MFAP3L: variants seen among roughly 807,000 people sequenced by gnomAD.
The protein encoded by MFAP3L is microfibrillar-associated protein 3-like.
Under a neutral mutation model 20.0 loss-of-function variants are expected in MFAP3L, and 5 were observed. The observed-to-expected ratio is 0.25, with a 90% CI of 0.13 to 0.53. The LOEUF (loss-of-function observed/expected upper bound fraction) is 0.53, where lower values mean the gene tolerates loss of function less well. Ranked by LOEUF, MFAP3L falls within the 20% of genes least tolerant of loss-of-function variation. The pLI, the probability that MFAP3L is intolerant of heterozygous loss-of-function variation, is 0.96. For missense variants in MFAP3L, 409 were observed against 527.5 expected (o/e 0.78, Z 2.20); for synonymous variants, 219 against 213.0 (o/e 1.03, Z -0.25).
rs908961409 is a variant in MFAP3L, at chr4:169,991,648, T to A, written c.960A>T (p.Ser320=). The part of the protein sequence containing the change: ...EQPQQIAIKV[S]VHPQSKKEHA... The stretch of plus-strand genomic sequence containing the variant: ...GCTCTTTTTTGGACTGCGGGTGAAC[T>A]GACACCTTGATGGCAATTTGCTGAG... The change falls in exon 3 of 3, where the codon TCA becomes TCT. Residue 320 remains serine (S), a synonymous_variant. Coordinates refer to ENST00000361618, the MANE Select transcript of MFAP3L (RefSeq NM_021647.8). This position sits in a 1 kb window ranked among gnomAD's most constrained non-coding sequence, Gnocchi z 4.9. The A allele has an allele frequency of 6.2e-7, 1 of 1,614,080 alleles. No individual in the cohort carries two copies. Among genetic ancestry groups the A allele is most frequent in the Admixed American group, 1.7e-5 (1 of 60,010 alleles).
At chr4:170,011,729 G>A (rs184867405) in intron 1 of MFAP3L, among the ~76,000 whole-genome samples, 21 of 152,172 alleles carry the variant, frequency 1.4e-4, no homozygotes, top group Admixed American at 6.5e-4. Flanking sequence ...AACATATATC[G>A]ACAGTTACAG....
chr4:170,003,068 T>C (rs1025075571), intron 2 of MFAP3L, among the ~76,000 whole-genome samples: 1 of 152,330 alleles, frequency 6.6e-6, no homozygotes, highest in East Asian at 1.9e-4. Flanking sequence ...TGTGTATTGC[T>C]TGGTTGTTAG....
intron 1 of MFAP3L, among the ~76,000 whole-genome samples, chr4:170,012,879 T>C (rs570780676): frequency 6.6e-6 from 1 of 152,288 alleles, no homozygotes; most frequent in East Asian, 1.9e-4. Context: ...TTTAAGCCCA[T>C]GGAACAACTG....
chr4:170,017,700 T>G (rs1259349444), intron 1 of MFAP3L, among the ~76,000 whole-genome samples: 1 of 152,242 alleles, frequency 6.6e-6, no homozygotes, highest in Non-Finnish European at 1.5e-5. Flanking sequence ...TTAATAATCT[T>G]CCTGACTTTA....
At chr4:170,026,132 CG>C (rs1269122612) in intron 1 of MFAP3L, 101 bp downstream of exon 1, 10 of 682,826 alleles carry the variant, frequency 1.5e-5, no homozygotes, top group African/African-American at 7.8e-5. Flanking sequence ...CCCAAACACC[CG>C]AAAGTTCGGC....
At chr4:169,998,960 CAT>C (rs1415208070) in intron 2 of MFAP3L, among the ~76,000 whole-genome samples, 1 of 152,202 alleles carries the variant, frequency 6.6e-6, no homozygotes, top group Non-Finnish European at 1.5e-5. Context: ...AAAATGCGTG[CAT>C]ATGTGTTTGT....
At chr4:170,027,143 CTA>C (rs1307614399), upstream of MFAP3L, 3 of 150,470 alleles carry the variant, frequency 2.0e-5, no homozygotes, top group Non-Finnish European at 4.4e-5. Context: ...GTAGAGTACT[CTA>C]AAATTATTAA....
At chr4:169,995,415 A>C (rs1003485070) in intron 2 of MFAP3L, among the ~76,000 whole-genome samples, 1 of 152,144 alleles carries the variant, frequency 6.6e-6, no homozygotes, top group African/African-American at 2.4e-5. Context: ...CCCTTCCATT[A>C]GTGAAAAATA....
At position 170,016,456 on chromosome 4, in the gene MFAP3L, C is replaced by G. The variant is rs548953667; in HGVS notation, c.-134+9778G>C. On this transcript the variant is annotated intron_variant, in intron 1 of 2. Transcript: ENST00000361618. ...CCTTTGGAACCCTCAGGCCTTCAAC[C>G]AGCGAGGCCCTTCCTGGTCACCTAT... 1.1e-3 allele frequency among the ~76,000 whole-genome samples: 171 copies of G among 152,334 alleles called. 1 individual carries two copies. The highest frequency in any genetic ancestry group is 3.9e-3 in the African/African-American group (163 of 41,576).
intron 1 of MFAP3L, among the ~76,000 whole-genome samples, chr4:170,009,158 G>A (rs1739221578): frequency 6.6e-6 from 1 of 152,066 alleles, no homozygotes; most frequent in Non-Finnish European, 1.5e-5. Flanking sequence ...GCTGACGCAG[G>A]CGGATCACGA....
intron 1 of MFAP3L, among the ~76,000 whole-genome samples, chr4:170,024,570 CA>C (rs1740236654): frequency 6.6e-6 from 1 of 152,140 alleles, no homozygotes; most frequent in African/African-American, 2.4e-5. Flanking sequence ...TTGGAGTTTT[CA>C]AACTTATTTT....
At chr4:169,999,858 GT>G (rs1251768356) in intron 2 of MFAP3L, among the ~76,000 whole-genome samples, 3 of 152,164 alleles carry the variant, frequency 2.0e-5, no homozygotes, top group African/African-American at 4.8e-5. Context: ...TTACAGCAGG[GT>G]TTCTCAACTC....
At chr4:170,000,820 T>G (rs1382327691) in intron 2 of MFAP3L, among the ~76,000 whole-genome samples, 1 of 152,118 alleles carries the variant, frequency 6.6e-6, no homozygotes, top group Non-Finnish European at 1.5e-5. Flanking sequence ...ACTCCCAGGC[T>G]CATGCAATCG....
intron 2 of MFAP3L, among the ~76,000 whole-genome samples, chr4:169,993,370 G>A (rs770213974): frequency 6.6e-6 from 1 of 152,132 alleles, no homozygotes; most frequent in Non-Finnish European, 1.5e-5. Context: ...CTAGTTCCCC[G>A]AGCCGACTAG....
intron 2 of MFAP3L, chr4:170,003,765 C>T (rs868179620): frequency 8.1e-6 from 8 of 985,376 alleles, no homozygotes; most frequent in Middle Eastern, 1.0e-3. Context: ...ATAGCTCAGC[C>T]CTGCAGAAAG....
chr4:170,010,825 CT>C (rs1219314650), intron 1 of MFAP3L, among the ~76,000 whole-genome samples: 2 of 152,104 alleles, frequency 1.3e-5, no homozygotes, highest in African/African-American at 4.8e-5. Flanking sequence ...GTGGGTGCCC[CT>C]AACCCATGTT....
At chr4:169,999,266 G>A (rs535394155) in intron 2 of MFAP3L, among the ~76,000 whole-genome samples, 3 of 151,950 alleles carry the variant, frequency 2.0e-5, no homozygotes, top group South Asian at 2.1e-4. Flanking sequence ...TAGAGCGAAG[G>A]TGGCCTGGGA....
chr4:170,016,046 A>T (rs1232085684), intron 1 of MFAP3L, among the ~76,000 whole-genome samples: 6 of 151,958 alleles, frequency 3.9e-5, no homozygotes, highest in East Asian at 1.9e-4. Context: ...TTGTCCCATT[A>T]AAAAAAAGAG....
At chr4:169,995,621 T>TA (rs1000086269) in intron 2 of MFAP3L, among the ~76,000 whole-genome samples, 6 of 152,176 alleles carry the variant, frequency 3.9e-5, no homozygotes, top group Admixed American at 3.9e-4. Flanking sequence ...GGTCTATAAA[T>TA]ACCTGGCCCT....
Sources: gnomAD v4.1 joint callset for allele counts (sites outside exome capture counted in the v4.1 genomes callset) on GRCh38, gnomAD v4.1.1 for gene constraint, Gnocchi (gnomAD v3.1) non-coding constraint, MANE v1.5 for transcripts, NCBI Gene and HGNC (gene_info 2026-07-23, HGNC 2026-07-21) for gene names.